The following ARHGEF26 variants were observed in gnomAD, a reference collection of about 807,000 sequenced individuals.
ARHGEF26 encodes the protein Rho guanine nucleotide exchange factor (GEF) 26.
ARHGEF26 carries 59 observed loss-of-function variants against 89.4 expected under a neutral mutation model. The ratio of observed to expected loss-of-function variants is 0.66; its 90% CI spans 0.54 to 0.82. The LOEUF (loss-of-function observed/expected upper bound fraction) is 0.82. Ranked by LOEUF, ARHGEF26 falls within the 40% of genes least tolerant of loss-of-function variation. ARHGEF26 has a pLI of 0.00. For synonymous variants in ARHGEF26, 500 were observed against 428.4 expected, an observed-to-expected ratio of 1.17 and a Z score of -2.06; for missense variants, 1,234 against 1,085.6, an observed-to-expected ratio of 1.14 and a Z score of -1.92.
intron 4 of ARHGEF26, among the ~76,000 whole-genome samples, chr3:154,141,015 G>A (rs1308446154): frequency 1.3e-5 from 2 of 151,408 alleles, no homozygotes; most frequent in African/African-American, 4.9e-5. Context: ...AGGCTGGAGT[G>A]CAGTGGCACA....
intron 12 of ARHGEF26, among the ~76,000 whole-genome samples, chr3:154,242,211 A>G (rs1161329785): frequency 6.6e-6 from 1 of 152,236 alleles, no homozygotes; most frequent in African/African-American, 2.4e-5. Context: ...GGCTACAGCT[A>G]CCATAGACAG....
At chr3:154,153,099 A>G (rs987630200) in intron 6 of ARHGEF26, among the ~76,000 whole-genome samples, 167 bp downstream of exon 6, 10 of 152,188 alleles carry the variant, frequency 6.6e-5, no homozygotes, top group African/African-American at 2.2e-4. Flanking sequence ...TGGTGAATAG[A>G]CAGATGCTCA....
chr3:154,178,517 T>C (rs1409559512), intron 6 of ARHGEF26, among the ~76,000 whole-genome samples: 2 of 152,208 alleles, frequency 1.3e-5, no homozygotes, highest in Non-Finnish European at 2.9e-5. Flanking sequence ...GATGACTGCT[T>C]TCTTTTACCT....
At chr3:154,246,650 C>T (rs1340274570) in intron 12 of ARHGEF26, among the ~76,000 whole-genome samples, 1 of 152,116 alleles carries the variant, frequency 6.6e-6, no homozygotes, top group Non-Finnish European at 1.5e-5. Flanking sequence ...AACAGGGGCC[C>T]TGGGGACAGA....
intron 4 of ARHGEF26, among the ~76,000 whole-genome samples, chr3:154,135,894 A>C (rs958007058): frequency 1.3e-5 from 2 of 152,184 alleles, no homozygotes; most frequent in Non-Finnish European, 2.9e-5. Flanking sequence ...TGTACTATGC[A>C]TGTATGAAGA....
chr3:154,137,835 G>C (rs918545326), intron 4 of ARHGEF26, among the ~76,000 whole-genome samples: 7 of 148,530 alleles, frequency 4.7e-5, no homozygotes, highest in African/African-American at 1.7e-4. Flanking sequence ...AAAAGAAGAA[G>C]AGAAGAAGAA....
chr3:154,212,002 G>C (rs1715397982), intron 9 of ARHGEF26, among the ~76,000 whole-genome samples: 1 of 152,088 alleles, frequency 6.6e-6, no homozygotes, highest in South Asian at 2.1e-4. Context: ...GCTAAGTACA[G>C]CTCTGTAAGA....
At chr3:154,156,620 T>G (rs998462956) in intron 6 of ARHGEF26, among the ~76,000 whole-genome samples, 1 of 152,194 alleles carries the variant, frequency 6.6e-6, no homozygotes, top group Non-Finnish European at 1.5e-5. Flanking sequence ...TTGATTTAGT[T>G]TGAAACACTC....
rs1294090937 is a variant in ARHGEF26 at position 154,255,317 on chromosome 3, G to A, written c.2474-14G>A. The A allele has an allele frequency of 6.2e-7, 1 of 1,610,112 alleles. No homozygotes were observed. Among genetic ancestry groups the A allele is most frequent in the East Asian group, 2.2e-5 (1 of 44,854 alleles). On this transcript the variant is annotated splice_polypyrimidine_tract_variant and intron_variant, in intron 14 of 14. Coordinates refer to ENST00000465093, the MANE Select transcript of ARHGEF26 (RefSeq NM_015595.4). Reference sequence around the variant, plus strand: ...ATACTTGTTGTTTGGTGTGGACTCTGTTCTTTTTCACAGGCTGGTATGAGG... The same window carrying A: ...ATACTTGTTGTTTGGTGTGGACTCTATTCTTTTTCACAGGCTGGTATGAGG...
At chr3:154,128,790 C>T (rs892980989) in intron 3 of ARHGEF26, among the ~76,000 whole-genome samples, 4 of 152,188 alleles carry the variant, frequency 2.6e-5, no homozygotes, top group Admixed American at 2.6e-4. Context: ...ACTTAATTGT[C>T]ACTCCAGTGA....
At chr3:154,124,108 C>CTTTGGTTATCACG (rs1242836624) in intron 2 of ARHGEF26, among the ~76,000 whole-genome samples, 3 of 152,182 alleles carry the variant, frequency 2.0e-5, no homozygotes, top group African/African-American at 7.2e-5. Flanking sequence ...TTCAATTTAA[C>CTTTGGTTATCACG]AGTGATGGTG....
chr3:154,135,663 A>T (rs1305477018), intron 4 of ARHGEF26, among the ~76,000 whole-genome samples: 1 of 152,192 alleles, frequency 6.6e-6, no homozygotes, highest in African/African-American at 2.4e-5. Flanking sequence ...TGGGAAAAGC[A>T]TGTGGGTTTG....
chr3:154,250,183 C>T (rs1718045018), intron 12 of ARHGEF26, among the ~76,000 whole-genome samples: 1 of 152,164 alleles, frequency 6.6e-6, no homozygotes, highest in Non-Finnish European at 1.5e-5. Context: ...GCGTGCACCA[C>T]CACGCCCAGC....
At chr3:154,181,605 C>G (rs1366182064) in intron 6 of ARHGEF26, among the ~76,000 whole-genome samples, 1 of 152,112 alleles carries the variant, frequency 6.6e-6, no homozygotes, top group East Asian at 1.9e-4. Flanking sequence ...CTCTGTCATC[C>G]TTCTGAATTG....
chr3:154,177,932 G>A (rs1172511178), intron 6 of ARHGEF26, among the ~76,000 whole-genome samples: 1 of 152,194 alleles, frequency 6.6e-6, no homozygotes, highest in Non-Finnish European at 1.5e-5. Flanking sequence ...GCCAGGTACA[G>A]TGGCTCACAC....
Position 154,256,548 on chromosome 3 carries a change from T to TTAA in ARHGEF26, c.*1075_*1076insTAA. 6.1e-6 allele frequency: 4 copies of TTAA among 651,430 alleles called. No individual in the cohort carries two copies. Among genetic ancestry groups the TTAA allele is most frequent in the Non-Finnish European group, 6.9e-6 (4 of 578,420 alleles). 40.4% of individuals were successfully genotyped at this position (651,430 alleles called of 1,614,324 possible). On this transcript the variant is annotated 3_prime_UTR_variant, in exon 15 of 15. Transcript: ENST00000465093. ...GTGCCCAGCCTACTTTCTAATTAATTAAAAAAAAAAAAAAAAAAAAAAAAA... is the reference window on the plus strand; with the variant it reads ...GTGCCCAGCCTACTTTCTAATTAATTTAAAAAAAAAAAAAAAAAAAAAAAAAAA...
rs147755544 is a variant in ARHGEF26 at position 154,221,820 on chromosome 3, C to T, written c.1935+3862C>T. Among the ~76,000 whole-genome samples the T allele has an allele frequency of 4.0e-3, 615 of 152,220 alleles. 1 individual carries two copies. Among genetic ancestry groups the T allele is most frequent in the Middle Eastern group, 0.017 (5 of 294 alleles). On this transcript the variant is annotated intron_variant, in intron 10 of 14. Coordinates refer to ENST00000465093, the MANE Select transcript of ARHGEF26 (RefSeq NM_015595.4). ...GAGGGGCAGTGGTCAGGGAGTGGGCCTTGTCGGGTTGACTGGGTGGAGAGC... is the reference window on the plus strand; with the variant it reads ...GAGGGGCAGTGGTCAGGGAGTGGGCTTTGTCGGGTTGACTGGGTGGAGAGC...
At chr3:154,153,966 A>C (rs1458765613) in intron 6 of ARHGEF26, among the ~76,000 whole-genome samples, 1 of 151,990 alleles carries the variant, frequency 6.6e-6, no homozygotes, top group African/African-American at 2.4e-5. Flanking sequence ...GTTCTGTAGA[A>C]TTTCCCATGA....
At chr3:154,180,400 A>G (rs1713107065) in intron 6 of ARHGEF26, among the ~76,000 whole-genome samples, 1 of 151,738 alleles carries the variant, frequency 6.6e-6, no homozygotes, top group African/African-American at 2.4e-5. Flanking sequence ...GGGCTTCTTA[A>G]TTGTGACATG....
Sources: gnomAD v4.1 joint callset for allele counts (sites outside exome capture counted in the v4.1 genomes callset) on GRCh38, gnomAD v4.1.1 for gene constraint, MANE v1.5 for transcripts, NCBI Gene and HGNC (gene_info 2026-07-23, HGNC 2026-07-21) for gene names.